The following PPP1R9A variants were observed in gnomAD, a reference collection of about 807,000 sequenced individuals.
PPP1R9A encodes protein phosphatase 1 regulatory subunit 9A.
A neutral mutation model predicts 141.9 loss-of-function variants in PPP1R9A; 59 were observed. That is an observed-to-expected ratio of 0.42 (90% CI 0.34 to 0.52). The LOEUF is 0.52. Ranked by LOEUF, PPP1R9A falls within the 20% of genes least tolerant of loss-of-function variation. PPP1R9A has a pLI of 0.10. For synonymous variants in PPP1R9A, 500 were observed against 569.7 expected, an observed-to-expected ratio of 0.88 and a Z score of 1.74; for missense variants, 1,444 against 1,611.9, an observed-to-expected ratio of 0.90 and a Z score of 1.78.
At chr7:94,990,783 A>G (rs1376885256) in intron 2 of PPP1R9A, among the ~76,000 whole-genome samples, 1 of 151,988 alleles carries the variant, frequency 6.6e-6, no homozygotes, top group Non-Finnish European at 1.5e-5. Flanking sequence ...GCTTCCTCAT[A>G]TGAATGAGAC....
At chr7:94,915,270 G>A (rs1167713083) in intron 2 of PPP1R9A, among the ~76,000 whole-genome samples, 3 of 152,222 alleles carry the variant, frequency 2.0e-5, no homozygotes, top group East Asian at 1.9e-4. Flanking sequence ...TGGGGGCTCC[G>A]AGTCATAGTT....
intron 2 of PPP1R9A, among the ~76,000 whole-genome samples, chr7:94,999,777 T>TCTTATTTA (rs1554455789): frequency 7.1e-6 from 1 of 141,304 alleles, no homozygotes; most frequent in East Asian, 2.1e-4. Context: ...AGATATCTTA[T>TCTTATTTA]TTTATTTATT....
At chr7:95,030,639 C>A (rs187036986) in intron 2 of PPP1R9A, among the ~76,000 whole-genome samples, 439 of 151,852 alleles carry the variant, frequency 2.9e-3, no homozygotes, top group Non-Finnish European at 5.5e-3. Flanking sequence ...ATTATAATGA[C>A]AACAAAGAAA....
intron 8 of PPP1R9A, among the ~76,000 whole-genome samples, chr7:95,239,409 A>G (rs112947231): frequency 2.6e-5 from 4 of 152,284 alleles, no homozygotes; most frequent in African/African-American, 9.6e-5. Context: ...TTTGTTTTAT[A>G]GTAGCTTTAA....
chr7:95,283,411 G>A (rs2115674046), intron 16 of PPP1R9A, among the ~76,000 whole-genome samples: 1 of 152,290 alleles, frequency 6.6e-6, no homozygotes, highest in South Asian at 2.1e-4. Flanking sequence ...CTGAGACCAT[G>A]TACTTAGGAG....
At chr7:95,100,488 A>G (rs149910381) in intron 2 of PPP1R9A, among the ~76,000 whole-genome samples, 1 of 152,230 alleles carries the variant, frequency 6.6e-6, no homozygotes, top group South Asian at 2.1e-4. Context: ...TGTGTTTTCC[A>G]GTATCTTTAC....
chr7:95,064,225 A>G (rs1812644867), intron 2 of PPP1R9A, among the ~76,000 whole-genome samples: 1 of 152,178 alleles, frequency 6.6e-6, no homozygotes, highest in South Asian at 2.1e-4. Context: ...TCATTATATA[A>G]CCATGTTTCA....
intron 12 of PPP1R9A, among the ~76,000 whole-genome samples, chr7:95,254,670 CAATGAAAATGGTCAG>C (rs1799338929): frequency 1.3e-5 from 2 of 151,818 alleles, no homozygotes; most frequent in African/African-American, 4.8e-5. Context: ...AAGTGTAGGT[CAATGAAAATGGTCAG>C]AATGAAATAG....
chr7:95,227,141 T>C (rs1308640675), intron 8 of PPP1R9A, among the ~76,000 whole-genome samples: 5 of 152,206 alleles, frequency 3.3e-5, no homozygotes, highest in Admixed American at 6.5e-5. Context: ...AGCCCTTATT[T>C]GGCCAAAGAA....
chr7:95,287,296 T>G (rs1805533614), intron 18 of PPP1R9A, among the ~76,000 whole-genome samples: 1 of 152,218 alleles, frequency 6.6e-6, no homozygotes, highest in Admixed American at 6.5e-5. Context: ...CTTTGTCATA[T>G]CTTAGTTTAA....
At chr7:95,137,996 G>A (rs12669458) in intron 4 of PPP1R9A, among the ~76,000 whole-genome samples, 17,712 of 148,852 alleles carry the variant, frequency 0.12, 1,164 homozygotes, top group East Asian at 0.17. Context: ...GCAGTGGCGC[G>A]ATCTCGGCTC....
At chr7:94,999,889 A>T (rs1368587148) in intron 2 of PPP1R9A, among the ~76,000 whole-genome samples, 1 of 151,614 alleles carries the variant, frequency 6.6e-6, no homozygotes, top group Non-Finnish European at 1.5e-5. Flanking sequence ...GCAACCTCGG[A>T]CTGCCGGGTT....
At position 95,203,716 on chromosome 7, in the gene PPP1R9A, A is replaced by G; in HGVS notation, c.1942A>G (p.Asn648Asp). 1 of 1,536,120 alleles carries G rather than the reference A, an allele frequency of 6.5e-7. No individual in the cohort carries two copies. The highest frequency in any genetic ancestry group is 1.2e-5 in the South Asian group (1 of 83,922). ...GTCTGGCAACTGCAATAACAATAACAACTATTTTCTTAAGGTTTGTTTTTT... is the reference window on the plus strand; with the variant it reads ...GTCTGGCAACTGCAATAACAATAACGACTATTTTCTTAAGGTTTGTTTTTT... ...GMSGNCNNNN[N>D]YFLKTGEYAT... The change falls in exon 7 of 20, where the codon AAC becomes GAC. Residue 648 changes from asparagine (N) to aspartate (D), a missense_variant. By Grantham distance (23) the Asn-to-Asp change is conservative. This residue lies in a region of PPP1R9A where 488 missense variants were observed against 542.0 expected (regional missense o/e 0.90). Coordinates refer to ENST00000433360, the MANE Select transcript of PPP1R9A (RefSeq NM_001166160.2).
chr7:95,050,159 G>T (rs1389887940), intron 2 of PPP1R9A, among the ~76,000 whole-genome samples: 4 of 152,186 alleles, frequency 2.6e-5, no homozygotes, highest in African/African-American at 9.6e-5. Context: ...GGTATTGTTA[G>T]TATTTTGGAT....
intron 4 of PPP1R9A, among the ~76,000 whole-genome samples, chr7:95,127,675 C>G (rs537626370): frequency 6.6e-6 from 1 of 152,166 alleles, no homozygotes; most frequent in Admixed American, 6.5e-5. Context: ...CTCTCTTGCT[C>G]TCCCCTCTAT....
At chr7:95,074,956 T>G (rs1041376904) in intron 2 of PPP1R9A, among the ~76,000 whole-genome samples, 14 of 152,146 alleles carry the variant, frequency 9.2e-5, no homozygotes, top group African/African-American at 3.4e-4. Flanking sequence ...AGTTGAATAT[T>G]TATTTATATT....
At chr7:95,235,911 G>GT (rs1418303426) in intron 8 of PPP1R9A, among the ~76,000 whole-genome samples, 4 of 152,128 alleles carry the variant, frequency 2.6e-5, no homozygotes, top group Admixed American at 2.0e-4. Flanking sequence ...ACCAAACATC[G>GT]TATGTTCTCA....
At chr7:95,150,371 C>T (rs1447590133) in intron 4 of PPP1R9A, among the ~76,000 whole-genome samples, 1 of 152,164 alleles carries the variant, frequency 6.6e-6, no homozygotes, top group Non-Finnish European at 1.5e-5. Flanking sequence ...GGCACAATCT[C>T]GGCTCACTGC....
chr7:95,251,988 G>T lies in PPP1R9A; in HGVS notation c.2523G>T (p.Arg841Ser), dbSNP rs1798938115. 3 of 1,609,528 alleles carry T rather than the reference G, an allele frequency of 1.9e-6. No homozygotes were observed. Among genetic ancestry groups the T allele is most frequent in the Non-Finnish European group, 2.5e-6 (3 of 1,178,866 alleles). The change falls in exon 12 of 20, where the codon AGG becomes AGT. Residue 841 changes from arginine (R) to serine (S), a missense_variant. Physicochemically the swap from Arg to Ser is moderately radical, Grantham distance 110. Around this residue, in one of 5 missense-constraint regions of PPP1R9A, gnomAD observed 488 missense variants for 542.0 expected, o/e 0.90. Coordinates refer to ENST00000433360, the MANE Select transcript of PPP1R9A (RefSeq NM_001166160.2). The stretch of plus-strand genomic sequence containing the variant: ...GAGATTTGGAAGCTGAGGTATTCAG[G>T]CTACTGAAGCAAAATGGGACTCAAG... ...RIRDLEAEVF[R>S]LLKQNGTQVN...
Sources: gnomAD v4.1 joint callset for allele counts (sites outside exome capture counted in the v4.1 genomes callset) on GRCh38, gnomAD v4.1.1 for gene constraint, gnomAD v4.1.1 regional missense constraint, MANE v1.5 for transcripts, NCBI Gene and HGNC (gene_info 2026-07-23, HGNC 2026-07-21) for gene names.